Variants in GHR observed in about 807,000 individuals in gnomAD.
GHR encodes GH receptor.
A neutral mutation model predicts 67.1 loss-of-function variants in GHR; 35 were observed. That is an observed-to-expected ratio of 0.52 (90% CI 0.40 to 0.69). GHR has a LOEUF of 0.69. GHR is among the 30% of genes least tolerant of loss of function. GHR has a pLI of 0.00. For missense variants in GHR, 792 were observed against 764.6 expected (o/e 1.04, Z -0.42); for synonymous variants, 272 against 269.1 (o/e 1.01, Z -0.10).
chr5:42,545,107 C>T (rs62370649), intron 1 of GHR, among the ~76,000 whole-genome samples: 6,567 of 152,186 alleles, frequency 0.043, 227 homozygotes, highest in Non-Finnish European at 0.07. Flanking sequence ...TTTGTGATGT[C>T]CTCAAGCTTC....
chr5:42,659,781 T>C (rs1037802618), intron 3 of GHR, among the ~76,000 whole-genome samples: 1 of 152,140 alleles, frequency 6.6e-6, no homozygotes, highest in African/African-American at 2.4e-5. Flanking sequence ...CAGCACACTT[T>C]GCAGGAGCCG....
chr5:42,681,328 A>G (rs1444758124), intron 3 of GHR, among the ~76,000 whole-genome samples: 1 of 152,134 alleles, frequency 6.6e-6, no homozygotes, highest in Non-Finnish European at 1.5e-5. Context: ...AAAAGAAGAC[A>G]TTTATGCAGC....
At position 42,630,460 on chromosome 5, in the gene GHR, G is replaced by T. The variant is rs1247634346; in HGVS notation, c.136+1357G>T. ...ATAATTTGAATTTTATGACTAAATT[G>T]CAGAATTAATTTCCAATGTGAGATT... On this transcript the variant is annotated intron_variant, in intron 3 of 9. Transcript: ENST00000230882. Among the ~76,000 whole-genome samples the T allele has an allele frequency of 3.0e-5, 4 of 131,976 alleles. 2 individuals are homozygous for T. The highest frequency in any genetic ancestry group is 1.3e-4 in the African/African-American group (4 of 31,314). 86.6% of individuals were successfully genotyped at this position (131,976 alleles called of 152,430 possible). A position where few individuals can be genotyped will look rare whatever the true frequency, so the allele number is the denominator to read the frequency against.
At chr5:42,510,712 C>T (rs948311351) in intron 1 of GHR, among the ~76,000 whole-genome samples, 6 of 152,234 alleles carry the variant, frequency 3.9e-5, no homozygotes, top group African/African-American at 9.6e-5. Flanking sequence ...ATGGAGATGC[C>T]GGCTGGGGAG....
At chr5:42,545,772 A>G (rs1748707633) in intron 1 of GHR, among the ~76,000 whole-genome samples, 1 of 152,172 alleles carries the variant, frequency 6.6e-6, no homozygotes, top group Non-Finnish European at 1.5e-5. Flanking sequence ...TCCTTTTCCC[A>G]AAGTCCTTCA....
Position 42,688,953 on chromosome 5 carries a change from A to G in GHR, c.200A>G (p.His67Arg), listed in dbSNP as rs1757291433. Reference protein sequence around the residue: ...RSPERETFSCHWTDEVHHGTK... With the variant: ...RSPERETFSCRWTDEVHHGTK... ...CCTGAGCGAGAGACTTTTTCATGCC[A>G]CTGGACAGATGAGGTTCATCATGGT... The change falls in exon 4 of 10, where the codon CAC (histidine) becomes CGC (arginine). Residue 67 changes from histidine (H) to arginine (R), a missense_variant. By Grantham distance (29) the His-to-Arg change is conservative (BLOSUM62 0). Transcript: ENST00000230882. 4 of 1,613,022 alleles carry G rather than the reference A, an allele frequency of 2.5e-6. No homozygotes were observed. The South Asian group carries it at 3.3e-5, about 13-fold the overall frequency.
At position 42,445,543 on chromosome 5, in the gene GHR, C is replaced by G. The variant is rs565680418; in HGVS notation, c.-12+21588C>G. On this transcript the variant is annotated intron_variant, in intron 1 of 9. Transcript: ENST00000230882. The stretch of plus-strand genomic sequence containing the variant: ...AGTGGTCTAGGAATTATTGTTTTTA[C>G]TTTTTCAAAGTTTATAAACTTGGCA... Among the ~76,000 whole-genome samples, 3 of 152,224 alleles carry G rather than the reference C, an allele frequency of 2.0e-5. No individual in the cohort carries two copies. The East Asian group carries it at 5.8e-4, about 29-fold the overall frequency.
chr5:42,510,719 G>A (rs1746977121), intron 1 of GHR, among the ~76,000 whole-genome samples: 1 of 152,180 alleles, frequency 6.6e-6, no homozygotes, highest in Non-Finnish European at 1.5e-5. Context: ...TGCCGGCTGG[G>A]GAGCTGAGAT....
In GHR at chr5:42,718,812, T is replaced by G. The variant is rs772106540; in HGVS notation, c.1305T>G (p.Pro435=). The G allele has an allele frequency of 6.2e-7, 1 of 1,614,150 alleles. No individual in the cohort carries two copies. The highest frequency in any genetic ancestry group is 2.2e-5 in the East Asian group (1 of 44,888). ...ACCAGAAGAATCAAAATAACTCACC[T>G]TATCATGATGCTTGCCCTGCTACTC... is the stretch of plus-strand genomic sequence containing the variant. The part of the protein sequence containing the change: ...CLDQKNQNNS[P]YHDACPATQQ... The change falls in exon 10 of 10, where the codon CCT becomes CCG. Residue 435 remains proline, a synonymous_variant. Transcript: ENST00000230882.
At chr5:42,555,112 T>C (rs1749237144) in intron 1 of GHR, among the ~76,000 whole-genome samples, 1 of 152,180 alleles carries the variant, frequency 6.6e-6, no homozygotes, top group Non-Finnish European at 1.5e-5. Flanking sequence ...AGCCAGTCAG[T>C]CTGGCCAAAT....
At chr5:42,549,656 G>A (rs980194626) in intron 1 of GHR, 2 of 985,188 alleles carry the variant, frequency 2.0e-6, no homozygotes, top group African/African-American at 3.5e-5. Flanking sequence ...TTCCTTTGTG[G>A]ACGGAAGAAA....
intron 2 of GHR, among the ~76,000 whole-genome samples, chr5:42,566,518 C>CT (rs531149190): frequency 1.1e-3 from 167 of 152,282 alleles, no homozygotes; most frequent in South Asian, 2.9e-3. Context: ...TTCTCCCTCC[C>CT]TTTTTTATAT....
chr5:42,451,702 CAA>C (rs35883387), intron 1 of GHR, among the ~76,000 whole-genome samples: 6 of 122,974 alleles, frequency 4.9e-5, no homozygotes, highest in Admixed American at 8.4e-5. Context: ...AAGACTCTGT[CAA>C]AAAAAAAAAA....
At chr5:42,522,265 A>C (rs1389631031) in intron 1 of GHR, among the ~76,000 whole-genome samples, 1 of 152,152 alleles carries the variant, frequency 6.6e-6, no homozygotes. Context: ...ATCATATATC[A>C]AAAAAATTTT....
At chr5:42,568,043 AG>A (rs1213980324) in intron 2 of GHR, among the ~76,000 whole-genome samples, 1 of 152,198 alleles carries the variant, frequency 6.6e-6, no homozygotes, top group African/African-American at 2.4e-5. Flanking sequence ...TATTGAATTC[AG>A]TTTGTTCAGT....
At chr5:42,524,293 G>C (rs914132070) in intron 1 of GHR, among the ~76,000 whole-genome samples, 3 of 152,206 alleles carry the variant, frequency 2.0e-5, no homozygotes, top group African/African-American at 7.2e-5. Context: ...GGTGGTTTCA[G>C]ATGGAGATGA....
chr5:42,709,196 C>T (rs1758331724), intron 6 of GHR, among the ~76,000 whole-genome samples: 1 of 152,140 alleles, frequency 6.6e-6, no homozygotes, highest in African/African-American at 2.4e-5. Context: ...TACAGTGGCC[C>T]AATCTCGGCT....
rs1278279695 is a variant in GHR, at chr5:42,719,512, T to C, written c.*88T>C. ...TTTAAGCCAAAACAATGTTTAAACC[T>C]TTTTTGGGGGAGTGACAGGATGGGG... On this transcript the variant is annotated 3_prime_UTR_variant, in exon 10 of 10. Coordinates refer to ENST00000230882, the MANE Select transcript of GHR (RefSeq NM_000163.5). The C allele has an allele frequency of 1.4e-5, 18 of 1,284,360 alleles. No homozygotes were observed. The highest frequency in any genetic ancestry group is 2.0e-5 in the Non-Finnish European group (18 of 892,314). The allele number at this position is 1,284,360 out of a possible 1,614,324, so 79.6% of individuals were successfully genotyped here.
intron 1 of GHR, among the ~76,000 whole-genome samples, chr5:42,503,388 G>A (rs915469774): frequency 6.6e-6 from 1 of 152,196 alleles, no homozygotes; most frequent in African/African-American, 2.4e-5. Context: ...TGTTTGGGAT[G>A]GGTGAAAGGC....
Sources: allele counts gnomAD v4.1 joint callset (sites outside exome capture counted in the v4.1 genomes callset), GRCh38; gene constraint gnomAD v4.1.1; transcripts MANE v1.5; gene names NCBI Gene and HGNC (gene_info 2026-07-23, HGNC 2026-07-21).